PLCXD3: variants seen among roughly 807,000 people sequenced by gnomAD.
PLCXD3 encodes the protein phosphatidylinositol specific phospholipase C X domain containing 3, also known as PI-PLC X domain-containing protein 3.
A neutral mutation model predicts 25.5 loss-of-function variants in PLCXD3; 19 were observed. That is an observed-to-expected ratio of 0.75 (90% CI 0.52 to 1.09). The LOEUF is 1.09. PLCXD3 is among the 50% of genes least tolerant of loss of function. PLCXD3 has a pLI of 0.00. For synonymous variants in PLCXD3, 174 were observed against 137.6 expected (o/e 1.26, Z -1.85); for missense variants, 411 against 388.1 (o/e 1.06, Z -0.50).
intron 1 of PLCXD3, among the ~76,000 whole-genome samples, chr5:41,463,507 T>G (rs1243061498): frequency 6.6e-6 from 1 of 151,986 alleles, no homozygotes; most frequent in Non-Finnish European, 1.5e-5. Context: ...ATATAAATTT[T>G]GGGGGGACAC....
At chr5:41,402,649 G>A (rs113256628) in intron 1 of PLCXD3, among the ~76,000 whole-genome samples, 1 of 151,688 alleles carries the variant, frequency 6.6e-6, no homozygotes, top group South Asian at 2.1e-4. Context: ...TATTGAGAAA[G>A]GAATTTTAAA....
intron 1 of PLCXD3, among the ~76,000 whole-genome samples, chr5:41,460,763 G>A (rs775339362): frequency 6.6e-6 from 1 of 151,934 alleles, no homozygotes; most frequent in East Asian, 1.9e-4. Context: ...TTTTCACCAA[G>A]TGGCTTACAG....
chr5:41,479,997 T>G (rs1748363236), intron 1 of PLCXD3, among the ~76,000 whole-genome samples: 1 of 152,210 alleles, frequency 6.6e-6, no homozygotes, highest in Non-Finnish European at 1.5e-5. Flanking sequence ...TCATTTAATT[T>G]TCTATTAAAG....
chr5:41,491,193 C>CCTG (rs1344113698), intron 1 of PLCXD3, among the ~76,000 whole-genome samples: 1 of 152,150 alleles, frequency 6.6e-6, no homozygotes, highest in African/African-American at 2.4e-5. Flanking sequence ...TCCTTATGTA[C>CCTG]CCAGTAGTCA....
intron 2 of PLCXD3, among the ~76,000 whole-genome samples, chr5:41,340,871 T>G (rs1744120911): frequency 6.6e-6 from 1 of 152,194 alleles, no homozygotes; most frequent in South Asian, 2.1e-4. Flanking sequence ...TGTGTGACCT[T>G]TTAGCTACTA....
chr5:41,382,234 T>C lies in PLCXD3; in HGVS notation c.404A>G (p.His135Arg). 6.2e-7 allele frequency: 1 copy of C among 1,613,780 alleles called. No homozygotes were observed. Reference sequence around the variant, plus strand: ...GTCCAAGAACACTACCTCCTTATGGTGATCTGTGAGGAATGCATTGATCTC... The same window carrying C: ...GTCCAAGAACACTACCTCCTTATGGCGATCTGTGAGGAATGCATTGATCTC... ...LEEINAFLTDHHKEVVFLDFN... is the reference protein window; with the variant it reads ...LEEINAFLTDRHKEVVFLDFN... Residue 135 changes from histidine (H) to arginine (R), a missense_variant, in exon 2 of 3, where the codon CAC (histidine) becomes CGC (arginine). By Grantham distance (29) the His-to-Arg change is conservative (BLOSUM62 0). Coordinates refer to ENST00000377801, the MANE Select transcript of PLCXD3 (RefSeq NM_001005473.3).
intron 1 of PLCXD3, among the ~76,000 whole-genome samples, chr5:41,412,418 A>C (rs1288882433): frequency 6.6e-6 from 1 of 152,210 alleles, no homozygotes; most frequent in Non-Finnish European, 1.5e-5. Flanking sequence ...AATTCTCAGA[A>C]ATTCAGTAGT....
chr5:41,354,667 C>T (rs1024716571), intron 2 of PLCXD3, among the ~76,000 whole-genome samples: 5 of 152,072 alleles, frequency 3.3e-5, no homozygotes, highest in African/African-American at 7.2e-5. Flanking sequence ...AATAGAAGCC[C>T]GTGCTCCTTT....
rs1280923524 is a variant in PLCXD3 at position 41,482,601 on chromosome 5, G to A, written c.103+27823C>T. On this transcript the variant is annotated intron_variant, in intron 1 of 2. Coordinates refer to ENST00000377801, the MANE Select transcript of PLCXD3 (RefSeq NM_001005473.3). The stretch of plus-strand genomic sequence containing the variant: ...TGAAACCATGAATGAAATAACAAGA[G>A]GAGCAAACAAACTTATTGGCCATGT... Among the ~76,000 whole-genome samples the A allele has an allele frequency of 2.6e-5, 4 of 152,098 alleles. No homozygotes were observed. In the East Asian group the frequency reaches 5.8e-4, roughly 22 times the overall value.
At chr5:41,508,447 A>G (rs1415338248) in intron 1 of PLCXD3, among the ~76,000 whole-genome samples, 2 of 152,240 alleles carry the variant, frequency 1.3e-5, no homozygotes, top group African/African-American at 4.8e-5. Flanking sequence ...CTGAACTGAT[A>G]GGGATAAATA....
Position 41,308,899 on chromosome 5 carries a change from C to A in PLCXD3, c.*4718G>T, listed in dbSNP as rs938448715. On this transcript the variant is annotated 3_prime_UTR_variant, in exon 3 of 3. Transcript: ENST00000377801. The stretch of plus-strand genomic sequence containing the variant: ...ATTATTACGAAAAGCAATGGGGTAC[C>A]TCACAAGGTGGACAGTTTGCTTGTG... 6 of 152,450 alleles carry A rather than the reference C, an allele frequency of 3.9e-5. No homozygotes were observed. Among genetic ancestry groups the A allele is most frequent in the Non-Finnish European group, 7.4e-5 (5 of 68,008 alleles). The allele number at this position is 152,450 out of a possible 1,614,324, so 9.4% of individuals were successfully genotyped here.
intron 1 of PLCXD3, among the ~76,000 whole-genome samples, chr5:41,418,671 C>G (rs1390537644): frequency 6.6e-6 from 1 of 152,128 alleles, no homozygotes; most frequent in Non-Finnish European, 1.5e-5. Flanking sequence ...AGTATAGGTT[C>G]TTGCTTCCCT....
intron 1 of PLCXD3, among the ~76,000 whole-genome samples, chr5:41,427,160 A>C (rs1395056489): frequency 6.6e-6 from 1 of 152,088 alleles, no homozygotes; most frequent in African/African-American, 2.4e-5. Context: ...TTTCTAATTA[A>C]ATCTGGAAAA....
intron 2 of PLCXD3, among the ~76,000 whole-genome samples, chr5:41,325,986 T>C (rs1303409431): frequency 6.6e-6 from 1 of 152,098 alleles, no homozygotes; most frequent in African/African-American, 2.4e-5. Flanking sequence ...TTAACAAGGG[T>C]ACTAATCTCA....
intron 1 of PLCXD3, among the ~76,000 whole-genome samples, chr5:41,390,331 A>AT (rs35895068): frequency 0.57 from 86,420 of 151,856 alleles, 25,111 homozygotes; most frequent in South Asian, 0.71. Context: ...ATTGCTGAAT[A>AT]TTTTTTCTGG....
intron 1 of PLCXD3, among the ~76,000 whole-genome samples, chr5:41,477,184 T>C (rs1372629138): frequency 6.6e-6 from 1 of 152,174 alleles, no homozygotes; most frequent in Non-Finnish European, 1.5e-5. Flanking sequence ...TCAGTTCTCC[T>C]ATCTGAAAAA....
At chr5:41,446,592 T>TA (rs1273117228) in intron 1 of PLCXD3, among the ~76,000 whole-genome samples, 2 of 151,736 alleles carry the variant, frequency 1.3e-5, no homozygotes, top group Admixed American at 6.6e-5. Context: ...AAAACAACTC[T>TA]AAGAAATAAA....
At position 41,311,767 on chromosome 5, in the gene PLCXD3, T is replaced by G. The variant is rs1743140571; in HGVS notation, c.*1850A>C. The G allele has an allele frequency of 6.6e-6, 1 of 152,356 alleles. No homozygotes were observed. The highest frequency in any genetic ancestry group is 6.5e-5 in the Admixed American group (1 of 15,272). 9.4% of individuals were successfully genotyped at this position (152,356 alleles called of 1,614,324 possible). A position where few individuals can be genotyped will look rare whatever the true frequency, so the allele number is the denominator to read the frequency against. ...GCTAATAAGTACTATTTTCTGATCA[T>G]GAGTATTTATAATCTTGAAATCAAC... On this transcript the variant is annotated 3_prime_UTR_variant, in exon 3 of 3. Transcript: ENST00000377801.
At chr5:41,466,631 CA>C (rs1748023184) in intron 1 of PLCXD3, among the ~76,000 whole-genome samples, 1 of 151,982 alleles carries the variant, frequency 6.6e-6, no homozygotes, top group Non-Finnish European at 1.5e-5. Flanking sequence ...CAATAGATCT[CA>C]AAATCTATTT....
Sources: allele counts gnomAD v4.1 joint callset (sites outside exome capture counted in the v4.1 genomes callset), GRCh38; gene constraint gnomAD v4.1.1; transcripts MANE v1.5; gene names NCBI Gene and HGNC (gene_info 2026-07-23, HGNC 2026-07-21).